SLC22A12: variants seen among roughly 807,000 people sequenced by gnomAD.
SLC22A12 encodes organic anion transporter 4-like protein.
SLC22A12 carries 56 observed loss-of-function variants against 52.7 expected under a neutral mutation model. The observed-to-expected ratio is 1.06, with a 90% CI of 0.86 to 1.33. The LOEUF (loss-of-function observed/expected upper bound fraction) is 1.33. SLC22A12 is among the 40% of genes most tolerant of loss of function. The pLI is 0.00. For synonymous variants in SLC22A12, 337 were observed against 324.6 expected, an observed-to-expected ratio of 1.04 and a Z score of -0.41; for missense variants, 683 against 741.5, an observed-to-expected ratio of 0.92 and a Z score of 0.92.
chr11:64,597,389 C>T (rs965274433), intron 4 of SLC22A12, among the ~76,000 whole-genome samples: 3 of 152,156 alleles, frequency 2.0e-5, no homozygotes, highest in Non-Finnish European at 4.4e-5. Flanking sequence ...CAACTGCCCA[C>T]GTGACGGTTC....
intron 1 of SLC22A12, 43 bp downstream of exon 1, chr11:64,592,001 G>T: frequency 6.3e-7 from 1 of 1,598,376 alleles, no homozygotes. Context: ...CCACCTTGGA[G>T]GTCAGTCATG....
intron 7 of SLC22A12, among the ~76,000 whole-genome samples, 183 bp from the exon 8 acceptor site, chr11:64,600,184 T>C (rs2039406154): frequency 1.3e-5 from 2 of 152,098 alleles, no homozygotes; most frequent in African/African-American, 4.8e-5. Flanking sequence ...TCTGGGTGTC[T>C]GAGCGTGGAG....
In SLC22A12 at chr11:64,591,635, T is replaced by C. The variant is rs1453917679; in HGVS notation, c.79T>C (p.Ser27Pro). The C allele has an allele frequency of 1.9e-6, 3 of 1,613,240 alleles. No individual in the cohort carries two copies. The highest frequency in any genetic ancestry group is 2.5e-6 in the Non-Finnish European group (3 of 1,180,012). ...QVLQTMALMV[S>P]IMWLCTQSML... ...TCTCCAGACGATGGCTCTGATGGTCTCCATCATGTGGCTGTGTACCCAGAG... is the reference window on the plus strand; with the variant it reads ...TCTCCAGACGATGGCTCTGATGGTCCCCATCATGTGGCTGTGTACCCAGAG... The change falls in exon 1 of 10, where the codon TCC (serine) becomes CCC (proline). Residue 27 changes from serine to proline, a missense_variant. By Grantham distance (74) the Ser-to-Pro change is moderately conservative. Coordinates refer to ENST00000377574, the MANE Select transcript of SLC22A12 (RefSeq NM_144585.4).
intron 8 of SLC22A12, 28 bp from the exon 9 acceptor site, chr11:64,600,707 G>C: frequency 6.2e-7 from 1 of 1,602,588 alleles, no homozygotes; most frequent in Non-Finnish European, 8.5e-7. Flanking sequence ...CACAGACCAG[G>C]CGCTTATAGG....
chr11:64,600,814 C>T lies in SLC22A12; in HGVS notation c.1474C>T (p.His492Tyr). 2 of 1,606,818 alleles carry T rather than the reference C, an allele frequency of 1.2e-6. No individual in the cohort carries two copies. Among genetic ancestry groups the T allele is most frequent in the South Asian group, 1.1e-5 (1 of 91,070 alleles). ...GCCTCTGGTCCGGCTGCTGGGTGTC[C>T]ATGGCCCCTGGCTGCCCTTGCTGGT... ...LGPLVRLLGV[H>Y]GPWLPLLVYG... The change falls in exon 9 of 10, where the codon CAT (histidine) becomes TAT (tyrosine). Residue 492 changes from histidine (H) to tyrosine (Y), a missense_variant. His to Tyr is a moderately conservative substitution (Grantham distance 83). Coordinates refer to ENST00000377574, the MANE Select transcript of SLC22A12 (RefSeq NM_144585.4).
At chr11:64,593,990 G>A (rs1371389722) in intron 4 of SLC22A12, among the ~76,000 whole-genome samples, 187 bp downstream of exon 4, 1 of 152,148 alleles carries the variant, frequency 6.6e-6, no homozygotes, top group East Asian at 1.9e-4. Flanking sequence ...TTCAACCAGG[G>A]CTTGGGTCCC....
At chr11:64,595,347 TTGAATGGATGGATGGATGGA>T (rs1565136388) in intron 4 of SLC22A12, among the ~76,000 whole-genome samples, 26 of 20,794 alleles carry the variant, frequency 1.3e-3, no homozygotes, top group Middle Eastern at 0.033. Context: ...GAATGGATGG[TTGAATGGATGGATGGATGGA>T]TGGATGGATG....
Position 64,593,438 on chromosome 11 carries a change from C to A in SLC22A12, c.540C>A (p.Tyr180Ter), listed in dbSNP as rs1286450383. The change falls in exon 3 of 10, where the codon TAC becomes TAA. Residue 180 changes from tyrosine to a stop codon, truncating the protein, a stop_gained. Transcript: ENST00000377574. LOFTEE classifies it high-confidence loss of function. ...GCAGGCTGGTGCTAACCTGGAGCTA[C>A]CTTCAGATGGCTGTGATGGGTACGG... ...FGRRLVLTWS[Y>*]LQMAVMGTAA... The A allele has an allele frequency of 4.3e-6, 7 of 1,614,204 alleles. No individual in the cohort carries two copies. The East Asian group carries it at 1.1e-4, about 26-fold the overall frequency.
At chr11:64,592,093 C>T (rs2038936834) in intron 1 of SLC22A12, 135 bp downstream of exon 1, 9 of 1,390,628 alleles carry the variant, frequency 6.5e-6, no homozygotes, top group Non-Finnish European at 8.8e-6. Context: ...AGCCTCTCAG[C>T]CCCTCGTCAG....
rs1164466094 is a variant in SLC22A12, at chr11:64,598,573, G to A, written c.888G>A (p.Leu296=). The change falls in exon 5 of 10, where the codon CTG becomes CTA. Residue 296 remains leucine (L), a synonymous_variant. Transcript: ENST00000377574. ...CCACAGGCAGGCTGGATTGGGGCCT[G>A]CAGGAGCTGTGGAGGGTGGCTGCCA... is the stretch of plus-strand genomic sequence containing the variant. ...LLTTGRLDWG[L]QELWRVAAIN... is the part of the protein sequence containing the mutation. 3.1e-6 allele frequency: 5 copies of A among 1,606,856 alleles called. No homozygotes were observed. The highest frequency in any genetic ancestry group is 1.1e-5 in the South Asian group (1 of 89,730).
intron 4 of SLC22A12, among the ~76,000 whole-genome samples, chr11:64,594,722 T>TGGAC (rs1025873826): frequency 2.7e-4 from 38 of 139,492 alleles, no homozygotes; most frequent in African/African-American, 4.7e-4. Context: ...GATGGATGGA[T>TGGAC]GGACGGACAG....
chr11:64,598,744 G>A, intron 5 of SLC22A12, 64 bp from the exon 6 acceptor site: 1 of 1,608,478 alleles, frequency 6.2e-7, no homozygotes, highest in South Asian at 1.1e-5. Flanking sequence ...TGGGAAGAAG[G>A]TCTCAGAGAG....
chr11:64,600,600 C>G, intron 8 of SLC22A12, 125 bp downstream of exon 8: 10 of 1,407,050 alleles, frequency 7.1e-6, no homozygotes, highest in Non-Finnish European at 9.7e-6. Context: ...GTGTGGTCCC[C>G]GGGGCTGCTC....
chr11:64,602,081 C>A lies in SLC22A12; in HGVS notation c.*530C>A. The A allele has an allele frequency of 4.9e-6, 1 of 202,336 alleles. No homozygotes were observed. The highest frequency in any genetic ancestry group is 9.2e-5 in the South Asian group (1 of 10,900). 12.5% of individuals were successfully genotyped at this position (202,336 alleles called of 1,614,324 possible). On this transcript the variant is annotated 3_prime_UTR_variant, in exon 10 of 10. Coordinates refer to ENST00000377574, the MANE Select transcript of SLC22A12 (RefSeq NM_144585.4). ...AGCCACCTGCCCGCCACATCCTCTGCCTGCTGTCCCCTTCCCACCCTCATC... is the reference window on the plus strand; with the variant it reads ...AGCCACCTGCCCGCCACATCCTCTGACTGCTGTCCCCTTCCCACCCTCATC...
chr11:64,600,498 G>A, intron 8 of SLC22A12, 23 bp downstream of exon 8: 3 of 1,563,638 alleles, frequency 1.9e-6, no homozygotes, highest in Non-Finnish European at 2.6e-6. Flanking sequence ...CTGGGCTCCA[G>A]GAGAGGGGAG....
At chr11:64,595,204 T>G (rs1394605692) in intron 4 of SLC22A12, among the ~76,000 whole-genome samples, 352 of 43,934 alleles carry the variant, frequency 8.0e-3, no homozygotes, top group African/African-American at 0.013. Context: ...TGGATGGATG[T>G]TTGGAATAGA....
intron 2 of SLC22A12, among the ~76,000 whole-genome samples, chr11:64,593,099 G>T (rs1179168812): frequency 6.6e-6 from 1 of 152,260 alleles, no homozygotes; most frequent in Non-Finnish European, 1.5e-5. Flanking sequence ...TACTCTGGGG[G>T]TTGTAGAGGA....
Position 64,601,192 on chromosome 11 carries a change from C to A in SLC22A12, c.1598+254C>A, listed in dbSNP as rs117280820. ...CATTCAAGGCACAAATGGACAAGCTCCCCCAGGTCCACCCTGAGAGAGGCC... is the reference window on the plus strand; with the variant it reads ...CATTCAAGGCACAAATGGACAAGCTACCCCAGGTCCACCCTGAGAGAGGCC... On this transcript the variant is annotated intron_variant, in intron 9 of 9. Coordinates refer to ENST00000377574, the MANE Select transcript of SLC22A12 (RefSeq NM_144585.4). Among the ~76,000 whole-genome samples, 4,934 of 152,240 alleles carry A rather than the reference C, an allele frequency of 0.032. 123 individuals carry two copies. The highest frequency in any genetic ancestry group is 0.13 in the Middle Eastern group (37 of 294).
Position 64,591,274 on chromosome 11 carries a change from T to G in SLC22A12, c.-283T>G. 1 of 490,998 alleles carries G rather than the reference T, an allele frequency of 2.0e-6. No homozygotes were observed. The highest frequency in any genetic ancestry group is 3.6e-6 in the Non-Finnish European group (1 of 275,264). The allele number at this position is 490,998 out of a possible 1,614,324, so 30.4% of individuals were successfully genotyped here. On this transcript the variant is annotated 5_prime_UTR_variant, in exon 1 of 10. Transcript: ENST00000377574. ...ATTCCCTACTTTCCAAATTCAGCTT[T>G]CCCGGGAGGTCTGGAGCAGCTGCCT...
Sources: allele counts gnomAD v4.1 joint callset (sites outside exome capture counted in the v4.1 genomes callset), GRCh38; gene constraint gnomAD v4.1.1; transcripts MANE v1.5; gene names NCBI Gene and HGNC (gene_info 2026-07-23, HGNC 2026-07-21).